Variants in PDE11A observed in about 807,000 individuals in gnomAD.
The protein encoded by PDE11A is phosphodiesterase 11A.
PDE11A carries 100 observed loss-of-function variants against 100.5 expected under a neutral mutation model. That is an observed-to-expected ratio of 1.00 (90% CI 0.85 to 1.18). PDE11A has a LOEUF of 1.18. PDE11A is among the 50% of genes most tolerant of loss of function. PDE11A has a pLI of 0.00. For missense variants in PDE11A, 1,141 were observed against 1,152.6 expected, an observed-to-expected ratio of 0.99 and a Z score of 0.15; for synonymous variants, 381 against 420.8, an observed-to-expected ratio of 0.91 and a Z score of 1.16.
chr2:177,694,091 G>C (rs2105527395), intron 15 of PDE11A, among the ~76,000 whole-genome samples: 1 of 152,344 alleles, frequency 6.6e-6, no homozygotes, highest in Non-Finnish European at 1.5e-5. Context: ...CTGATGAAAA[G>C]AGAACAAGCC....
At chr2:177,799,152 G>A (rs1043026214) in intron 9 of PDE11A, among the ~76,000 whole-genome samples, 2 of 152,080 alleles carry the variant, frequency 1.3e-5, no homozygotes, top group East Asian at 1.9e-4. Flanking sequence ...CAGTTTGCTC[G>A]AGACTGTCAA....
intron 12 of PDE11A, among the ~76,000 whole-genome samples, chr2:177,718,626 C>T (rs1056341207): frequency 1.3e-5 from 2 of 152,072 alleles, no homozygotes; most frequent in African/African-American, 4.8e-5. Flanking sequence ...TGTAATATCT[C>T]AACTTTATAA....
chr2:177,992,795 G>A (rs1402928431), intron 2 of PDE11A, among the ~76,000 whole-genome samples: 1 of 152,094 alleles, frequency 6.6e-6, no homozygotes, highest in Non-Finnish European at 1.5e-5. Context: ...TCAGAACTAT[G>A]ACTGCCTATA....
At chr2:177,813,746 CT>C (rs987734889) in intron 9 of PDE11A, among the ~76,000 whole-genome samples, 3 of 151,820 alleles carry the variant, frequency 2.0e-5, no homozygotes, top group African/African-American at 4.8e-5. Context: ...CTTGTGCTCC[CT>C]TTTTAAGGAA....
At chr2:177,849,777 G>A (rs546939085) in intron 5 of PDE11A, among the ~76,000 whole-genome samples, 14 of 120,854 alleles carry the variant, frequency 1.2e-4, no homozygotes, top group Non-Finnish European at 1.4e-4. Flanking sequence ...GCGACAGAGC[G>A]AGACTCCATC....
intron 2 of PDE11A, among the ~76,000 whole-genome samples, chr2:178,078,049 C>A (rs1238995588): frequency 6.6e-6 from 1 of 152,070 alleles, no homozygotes; most frequent in African/African-American, 2.4e-5. Flanking sequence ...TACAGCAGCC[C>A]TAGGAAACGA....
chr2:177,819,103 T>C (rs2083093605), intron 7 of PDE11A, among the ~76,000 whole-genome samples: 1 of 152,046 alleles, frequency 6.6e-6, no homozygotes, highest in Non-Finnish European at 1.5e-5. Flanking sequence ...TAACACATGG[T>C]GTTTCTTATG....
chr2:177,999,679 A>C (rs1352133106), intron 2 of PDE11A, among the ~76,000 whole-genome samples: 6 of 152,202 alleles, frequency 3.9e-5, no homozygotes, highest in Non-Finnish European at 7.3e-5. Flanking sequence ...TATGGAGAGC[A>C]ATTCTTCCAA....
intron 15 of PDE11A, among the ~76,000 whole-genome samples, chr2:177,681,512 G>C (rs561678312): frequency 6.6e-6 from 1 of 152,066 alleles, no homozygotes; most frequent in East Asian, 1.9e-4. Flanking sequence ...TCTAACACGG[G>C]GGTTTCAGTT....
chr2:177,822,345 G>T (rs563511564), intron 6 of PDE11A, among the ~76,000 whole-genome samples: 1 of 151,726 alleles, frequency 6.6e-6, no homozygotes. Context: ...GAGGGAAAAA[G>T]CAATACCTCT....
chr2:177,631,480 CAAAAAAAAAAAAAAAA>C (rs539411793), intron 19 of PDE11A, among the ~76,000 whole-genome samples: 89 of 8,128 alleles, frequency 0.011, 1 homozygote, highest in African/African-American at 0.039. Context: ...GACTCTATCT[CAAAAAAAAAAAAAAAA>C]AAAAAAAAAA....
intron 1 of PDE11A, among the ~76,000 whole-genome samples, chr2:178,062,116 T>C (rs10207459): frequency 0.065 from 9,922 of 152,238 alleles, 338 homozygotes; most frequent in South Asian, 0.089. Flanking sequence ...GCAAAAGAGA[T>C]TGGGGAGAGA....
chr2:177,730,397 C>G (rs929252447), intron 10 of PDE11A, among the ~76,000 whole-genome samples: 3 of 152,122 alleles, frequency 2.0e-5, no homozygotes, highest in Non-Finnish European at 4.4e-5. Flanking sequence ...TTAAAATAAG[C>G]TCTTTGAAGA....
chr2:177,816,903 C>G lies in PDE11A; in HGVS notation c.1663G>C (p.Gly555Arg). The G allele has an allele frequency of 6.2e-7, 1 of 1,608,106 alleles. No homozygotes were observed. The highest frequency in any genetic ancestry group is 8.5e-7 in the Non-Finnish European group (1 of 1,174,730). Residue 555 changes from glycine to arginine, a missense_variant, in exon 9 of 20, where the codon GGA (glycine) becomes CGA (arginine). Physicochemically the swap from Gly to Arg is moderately radical, Grantham distance 125. Coordinates refer to ENST00000286063, the MANE Select transcript of PDE11A (RefSeq NM_016953.4). ...ATAATTGTGTTGTTGATGCCAAGTC[C>G]ACAAAAGATGACAAAAGCCTAGGAA... ...RLFEAFVIFC[G>R]LGINNTIMYD...
intron 4 of PDE11A, among the ~76,000 whole-genome samples, chr2:177,890,171 G>A (rs1244509782): frequency 6.6e-6 from 1 of 152,210 alleles, no homozygotes; most frequent in Non-Finnish European, 1.5e-5. Context: ...TTTGTGTAAT[G>A]AATTAGCCTT....
intron 2 of PDE11A, among the ~76,000 whole-genome samples, chr2:177,907,984 G>A (rs957753547): frequency 6.6e-6 from 1 of 152,158 alleles, no homozygotes; most frequent in Non-Finnish European, 1.5e-5. Context: ...GACTGTGGCA[G>A]ACTAACTTGC....
At chr2:177,952,730 G>C (rs10497481) in intron 2 of PDE11A, among the ~76,000 whole-genome samples, 9,545 of 152,080 alleles carry the variant, frequency 0.063, 310 homozygotes, top group South Asian at 0.093. Context: ...TTACATTCTT[G>C]CTTCTTGCAG....
At chr2:177,918,228 T>A (rs1415806463) in intron 2 of PDE11A, among the ~76,000 whole-genome samples, 1 of 152,210 alleles carries the variant, frequency 6.6e-6, no homozygotes, top group Admixed American at 6.5e-5. Context: ...TCATTTGGTA[T>A]CCTAGAACAG....
chr2:178,022,368 A>C (rs1438650141), intron 1 of PDE11A, among the ~76,000 whole-genome samples: 1 of 152,170 alleles, frequency 6.6e-6, no homozygotes, highest in Non-Finnish European at 1.5e-5. Flanking sequence ...GATTCTGGGG[A>C]ATATGAGTTT....
Sources: allele counts gnomAD v4.1 joint callset (sites outside exome capture counted in the v4.1 genomes callset), GRCh38; gene constraint gnomAD v4.1.1; transcripts MANE v1.5; gene names NCBI Gene and HGNC (gene_info 2026-07-23, HGNC 2026-07-21).